The following TANGO6 variants were observed in gnomAD, a reference collection of about 807,000 sequenced individuals.
The protein encoded by TANGO6 is transport and Golgi organization protein 6 homolog.
A neutral mutation model predicts 114.2 loss-of-function variants in TANGO6; 90 were observed. The observed-to-expected ratio is 0.79, with a 90% CI of 0.66 to 0.94. The LOEUF is 0.94. TANGO6 is among the 40% of genes least tolerant of loss of function. TANGO6 has a pLI of 0.00. For synonymous variants in TANGO6, 477 were observed against 509.8 expected (o/e 0.94, Z 0.87); for missense variants, 1,274 against 1,315.3 (o/e 0.97, Z 0.49).
chr16:69,012,556 CAAAAAAAAA>C (rs1175561720), intron 15 of TANGO6, among the ~76,000 whole-genome samples: 10 of 36,506 alleles, frequency 2.7e-4, no homozygotes, highest in African/African-American at 1.1e-3. Context: ...AACTCTGTCT[CAAAAAAAAA>C]AAAAAAAAAA....
At chr16:69,014,203 C>T (rs1374976024) in intron 15 of TANGO6, among the ~76,000 whole-genome samples, 1 of 152,126 alleles carries the variant, frequency 6.6e-6, no homozygotes, top group Non-Finnish European at 1.5e-5. Flanking sequence ...ATTGAAGACC[C>T]ATATTCTTTT....
chr16:69,052,269 C>CTTT (rs34982291), intron 17 of TANGO6, among the ~76,000 whole-genome samples: 3 of 122,348 alleles, frequency 2.5e-5, no homozygotes, highest in East Asian at 2.4e-4. Flanking sequence ...TTTTTCTTTT[C>CTTT]TTTTTTTTTT....
rs541168046 is a variant in TANGO6, at chr16:69,083,068, C to A, written c.3109-417C>A. Reference sequence around the variant, plus strand: ...CTAGCGCCACCCCTGCCTCCTTCTCCAACCCAAGATGGCCATGCATTATCT... The same window carrying A: ...CTAGCGCCACCCCTGCCTCCTTCTCAAACCCAAGATGGCCATGCATTATCT... On this transcript the variant is annotated intron_variant, in intron 17 of 17. Transcript: ENST00000261778. Among the ~76,000 whole-genome samples the A allele has an allele frequency of 2.6e-5, 4 of 151,634 alleles. No individual in the cohort carries two copies. In the East Asian group the frequency reaches 7.8e-4, roughly 29 times the overall value.
In TANGO6 at chr16:69,016,363, A is replaced by G. The variant is rs543630679; in HGVS notation, c.2843-6465A>G. ...CGGTGAGCCGAGATTGCGCTGTTGC[A>G]TTCCAGCCTGGGCAACAAGAGCGAA... On this transcript the variant is annotated intron_variant, in intron 15 of 17. Coordinates refer to ENST00000261778, the MANE Select transcript of TANGO6 (RefSeq NM_024562.2). Among the ~76,000 whole-genome samples the G allele has an allele frequency of 2.6e-5, 4 of 152,028 alleles. No homozygotes were observed. The South Asian group carries it at 6.2e-4, about 24-fold the overall frequency.
intron 14 of TANGO6, among the ~76,000 whole-genome samples, chr16:68,949,140 C>T (rs890270297): frequency 6.6e-6 from 1 of 151,708 alleles, no homozygotes; most frequent in Non-Finnish European, 1.5e-5. Flanking sequence ...AAGCCGAGAT[C>T]GCGCCATTGC....
rs758480082 is a variant in TANGO6, at chr16:68,860,346, A to G, written c.557A>G (p.Asp186Gly). 1 of 1,613,932 alleles carries G rather than the reference A, an allele frequency of 6.2e-7. No homozygotes were observed. Among genetic ancestry groups the G allele is most frequent in the South Asian group, 1.1e-5 (1 of 91,078 alleles). ...GAVVQDVVCF[D>G]AAPDATRRLY... Reference sequence around the variant, plus strand: ...GTCGTTCAAGACGTGGTGTGTTTTGATGCTGCCCCCGATGCAACTCGAAGA... The same window carrying G: ...GTCGTTCAAGACGTGGTGTGTTTTGGTGCTGCCCCCGATGCAACTCGAAGA... Residue 186 changes from aspartate to glycine, a missense_variant, in exon 2 of 18, where the codon GAT (aspartate) becomes GGT (glycine). Asp to Gly is a moderately conservative substitution (Grantham distance 94). Coordinates refer to ENST00000261778, the MANE Select transcript of TANGO6 (RefSeq NM_024562.2).
intron 16 of TANGO6, among the ~76,000 whole-genome samples, chr16:69,036,997 A>G (rs984369262): frequency 1.3e-5 from 2 of 151,258 alleles, no homozygotes; most frequent in East Asian, 3.9e-4. Flanking sequence ...AAGGCTGGGC[A>G]TGGTGGTGCA....
At chr16:69,005,186 C>T (rs1455572070) in intron 15 of TANGO6, among the ~76,000 whole-genome samples, 18 of 152,322 alleles carry the variant, frequency 1.2e-4, no homozygotes, top group Non-Finnish European at 8.8e-5. Flanking sequence ...CACTCACAAC[C>T]AAGTGTCTTG....
intron 14 of TANGO6, among the ~76,000 whole-genome samples, chr16:68,948,843 T>C (rs530825915): frequency 2.0e-5 from 3 of 152,316 alleles, no homozygotes; most frequent in African/African-American, 7.2e-5. Flanking sequence ...TGTTTCAGCA[T>C]TGAAAGTATC....
chr16:69,040,237 C>T, intron 16 of TANGO6, 71 bp from the exon 17 acceptor site: 1 of 1,324,498 alleles, frequency 7.6e-7, no homozygotes, highest in Non-Finnish European at 1.1e-6. Context: ...GTAAGTGGAA[C>T]ACAGTTGAAA....
At chr16:69,060,989 T>TAA (rs375549591) in intron 17 of TANGO6, among the ~76,000 whole-genome samples, 1 of 142,802 alleles carries the variant, frequency 7.0e-6, no homozygotes, top group African/African-American at 2.6e-5. Context: ...AGACTCCGTC[T>TAA]AAAAAAAAAA....
At chr16:69,016,662 AT>A (rs936919712) in intron 15 of TANGO6, among the ~76,000 whole-genome samples, 1 of 151,894 alleles carries the variant, frequency 6.6e-6, no homozygotes, top group Non-Finnish European at 1.5e-5. Context: ...TATGTATTTT[AT>A]TTTATTTATT....
chr16:68,913,374 G>GCA (rs1267202834), intron 11 of TANGO6, among the ~76,000 whole-genome samples: 1 of 150,326 alleles, frequency 6.7e-6, no homozygotes, highest in African/African-American at 2.4e-5. Context: ...AAGCCAAGAA[G>GCA]CACACTACTA....
At position 69,077,031 on chromosome 16, in the gene TANGO6, T is replaced by C. The variant is rs142928110; in HGVS notation, c.3109-6454T>C. Among the ~76,000 whole-genome samples, 229 of 151,112 alleles carry C rather than the reference T, an allele frequency of 1.5e-3. 1 individual carries two copies. The highest frequency in any genetic ancestry group is 5.2e-3 in the African/African-American group (215 of 41,070). On this transcript the variant is annotated intron_variant, in intron 17 of 17. Coordinates refer to ENST00000261778, the MANE Select transcript of TANGO6 (RefSeq NM_024562.2). ...CAAAACACACACACAAGTTGAAAAA[T>C]AAGATTATTACGAATTTTTTTTTTT...
In TANGO6 at chr16:68,880,589, A is replaced by C. The variant is rs1200132695; in HGVS notation, c.1336A>C (p.Thr446Pro). The C allele has an allele frequency of 6.8e-6, 11 of 1,612,898 alleles. No homozygotes were observed. The highest frequency in any genetic ancestry group is 9.3e-6 in the Non-Finnish European group (11 of 1,179,466). Reference sequence around the variant, plus strand: ...CATGGTACCAGGAACTATTTTGGTGACAGAAGAAGAACTTAGTAGATGCAT... The same window carrying C: ...CATGGTACCAGGAACTATTTTGGTGCCAGAAGAAGAACTTAGTAGATGCAT... ...SDMVPGTILV[T>P]EEELSRCIED... The change falls in exon 7 of 18, where the codon ACA becomes CCA. Residue 446 changes from threonine (T) to proline (P), a missense_variant. Thr to Pro is a conservative substitution (Grantham distance 38). This residue lies in a region of TANGO6 where 908 missense variants were observed against 910.2 expected (regional missense o/e 1.00). Transcript: ENST00000261778.
chr16:68,928,297 A>G (rs919529766), intron 13 of TANGO6, among the ~76,000 whole-genome samples: 42 of 102,890 alleles, frequency 4.1e-4, no homozygotes, highest in African/African-American at 1.8e-3. Context: ...ACTGAGTGCC[A>G]ATTTTTTTTT....
chr16:68,934,901 T>A (rs1222515864), intron 14 of TANGO6, among the ~76,000 whole-genome samples: 1 of 152,170 alleles, frequency 6.6e-6, no homozygotes, highest in Non-Finnish European at 1.5e-5. Flanking sequence ...GTTGGTGTTG[T>A]GTTTGTTTTT....
At chr16:68,925,736 A>G (rs1963158307) in intron 12 of TANGO6, among the ~76,000 whole-genome samples, 1 of 151,980 alleles carries the variant, frequency 6.6e-6, no homozygotes, top group African/African-American at 2.4e-5. Context: ...GGAGTTTTAT[A>G]GTTTTGTATT....
chr16:69,045,305 G>A (rs1482067865), intron 17 of TANGO6, among the ~76,000 whole-genome samples: 1 of 150,052 alleles, frequency 6.7e-6, no homozygotes, highest in Non-Finnish European at 1.5e-5. Context: ...TTAGCCGGGT[G>A]TGGTGGCGGG....
Sources: allele counts gnomAD v4.1 joint callset (sites outside exome capture counted in the v4.1 genomes callset), GRCh38; gene constraint gnomAD v4.1.1; regional missense constraint gnomAD v4.1.1; transcripts MANE v1.5; gene names NCBI Gene and HGNC (gene_info 2026-07-23, HGNC 2026-07-21).